ELMO1: variants seen among roughly 807,000 people sequenced by gnomAD.
ELMO1 encodes the protein engulfment and cell motility 1.
ELMO1 carries 26 observed loss-of-function variants against 98.9 expected under a neutral mutation model. The ratio of observed to expected loss-of-function variants is 0.26; its 90% CI spans 0.19 to 0.36. ELMO1 has a LOEUF of 0.36. Among genes scored for constraint, ELMO1 ranks in the 10% least tolerant of loss-of-function variants. ELMO1 has a pLI of 1.00. For missense variants in ELMO1, 627 were observed against 935.2 expected, an observed-to-expected ratio of 0.67 and a Z score of 4.30; for synonymous variants, 346 against 346.0, an observed-to-expected ratio of 1.00 and a Z score of 0.00.
At chr7:36,877,517 C>T (rs530854193) in intron 19 of ELMO1, among the ~76,000 whole-genome samples, 3 of 152,246 alleles carry the variant, frequency 2.0e-5, no homozygotes, top group Admixed American at 2.0e-4. Flanking sequence ...GTAGAGGTAA[C>T]GGATCATCAT....
At chr7:36,954,267 G>A (rs2129109147) in intron 16 of ELMO1, among the ~76,000 whole-genome samples, 1 of 152,266 alleles carries the variant, frequency 6.6e-6, no homozygotes, top group South Asian at 2.1e-4. Flanking sequence ...GGAAAGTAAG[G>A]GAATTAATGG....
At chr7:37,299,558 G>T (rs1399540932) in intron 4 of ELMO1, among the ~76,000 whole-genome samples, 2 of 57,092 alleles carry the variant, frequency 3.5e-5, no homozygotes, top group South Asian at 5.4e-4. Context: ...TCTCAGGTTT[G>T]TCAAAGATCA....
chr7:37,028,947 C>G (rs1174858342), intron 15 of ELMO1, among the ~76,000 whole-genome samples: 1 of 152,014 alleles, frequency 6.6e-6, no homozygotes, highest in East Asian at 1.9e-4. Flanking sequence ...CCACTGTTCT[C>G]AGTGTTTTAC....
chr7:36,864,561 C>T (rs1302280128), intron 20 of ELMO1, among the ~76,000 whole-genome samples: 2 of 152,180 alleles, frequency 1.3e-5, no homozygotes, highest in Non-Finnish European at 2.9e-5. Flanking sequence ...TGGTGAAGGT[C>T]AGCTCTTCAG....
intron 13 of ELMO1, among the ~76,000 whole-genome samples, chr7:37,173,533 C>T (rs1790311590): frequency 6.6e-6 from 1 of 152,222 alleles, no homozygotes; most frequent in Non-Finnish European, 1.5e-5. Flanking sequence ...CAGATAGCTC[C>T]TAGTCCATGC....
intron 16 of ELMO1, among the ~76,000 whole-genome samples, chr7:36,982,603 G>A (rs1791161417): frequency 6.6e-6 from 1 of 152,166 alleles, no homozygotes; most frequent in Non-Finnish European, 1.5e-5. Context: ...ACTAGAAAGT[G>A]CATAATACTA....
chr7:37,397,968 G>T (rs1024247569), intron 1 of ELMO1, among the ~76,000 whole-genome samples: 3 of 152,120 alleles, frequency 2.0e-5, no homozygotes, highest in African/African-American at 7.2e-5. Flanking sequence ...CATGGACACA[G>T]GGAGAAGAAA....
chr7:36,884,314 C>CAAAA (rs59762953), intron 18 of ELMO1, among the ~76,000 whole-genome samples: 2 of 127,706 alleles, frequency 1.6e-5, no homozygotes, highest in African/African-American at 2.8e-5. Context: ...GAGACTGTCT[C>CAAAA]AAAAAAAAAA....
intron 13 of ELMO1, among the ~76,000 whole-genome samples, chr7:37,159,398 A>G (rs1789036597): frequency 6.6e-6 from 1 of 152,332 alleles, no homozygotes; most frequent in South Asian, 2.1e-4. Context: ...CCATGTTGTC[A>G]AAGCATAAAA....
chr7:37,129,665 C>T (rs1786772369), intron 14 of ELMO1, among the ~76,000 whole-genome samples: 1 of 152,206 alleles, frequency 6.6e-6, no homozygotes, highest in African/African-American at 2.4e-5. Context: ...TTGCCACTCC[C>T]ACTACCCTAG....
Position 37,314,939 on chromosome 7 carries a change from T to C in ELMO1, c.120-17A>G, listed in dbSNP as rs1799076735. ...AGAGACCACCTTAAAAATACAAGCGTATACTGATTAGAAAAATGAAAGTGG... is the reference window on the plus strand; with the variant it reads ...AGAGACCACCTTAAAAATACAAGCGCATACTGATTAGAAAAATGAAAGTGG... On this transcript the variant is annotated splice_polypyrimidine_tract_variant and intron_variant, in intron 3 of 21. Transcript: ENST00000310758. The C allele has an allele frequency of 3.7e-6, 6 of 1,603,922 alleles. No homozygotes were observed. Among genetic ancestry groups the C allele is most frequent in the Non-Finnish European group, 5.1e-6 (6 of 1,176,402 alleles).
chr7:37,269,356 C>T (rs911092358), intron 5 of ELMO1: 2 of 151,988 alleles, frequency 1.3e-5, no homozygotes, highest in African/African-American at 4.8e-5. Flanking sequence ...TTTCAAACTT[C>T]CACAGCTGAT....
At chr7:36,945,733 C>T (rs1787422594) in intron 16 of ELMO1, among the ~76,000 whole-genome samples, 1 of 152,194 alleles carries the variant, frequency 6.6e-6, no homozygotes, top group Admixed American at 6.5e-5. Flanking sequence ...ACATAATAGC[C>T]TGACATACTG....
chr7:37,195,680 C>T lies in ELMO1; in HGVS notation c.1086+15706G>A, dbSNP rs527777847. ...GAGCTTTCCTCTCCGAAAAAGCTGG[C>T]GTGGCTCTTCTCCTAACAGACCTGG... On this transcript the variant is annotated intron_variant, in intron 13 of 21. Coordinates refer to ENST00000310758, the MANE Select transcript of ELMO1 (RefSeq NM_014800.11). 2.0e-5 allele frequency among the ~76,000 whole-genome samples: 3 copies of T among 152,288 alleles called. No homozygotes were observed. In the South Asian group the frequency reaches 6.2e-4, roughly 32 times the overall value.
chr7:37,230,127 T>C (rs2130603137), intron 8 of ELMO1, among the ~76,000 whole-genome samples: 1 of 152,328 alleles, frequency 6.6e-6, no homozygotes, highest in Non-Finnish European at 1.5e-5. Flanking sequence ...TCCAAGCAAA[T>C]TTTATTCATT....
intron 14 of ELMO1, among the ~76,000 whole-genome samples, chr7:37,105,657 T>C (rs577773846): frequency 1.3e-5 from 2 of 152,356 alleles, no homozygotes; most frequent in East Asian, 1.9e-4. Flanking sequence ...TGGGAACCAC[T>C]GACTTACAGG....
intron 13 of ELMO1, chr7:37,197,166 T>C (rs1792012460): frequency 6.6e-6 from 1 of 152,242 alleles, no homozygotes; most frequent in South Asian, 2.1e-4. Flanking sequence ...GGAAAGTTTG[T>C]AGGTTTGCAG....
At chr7:37,242,601 A>G (rs1794815750) in intron 7 of ELMO1, among the ~76,000 whole-genome samples, 1 of 152,246 alleles carries the variant, frequency 6.6e-6, no homozygotes, top group Non-Finnish European at 1.5e-5. Context: ...TTTTTGTTCT[A>G]GCAGGAAGTA....
chr7:37,123,587 G>A (rs1384713005), intron 14 of ELMO1, among the ~76,000 whole-genome samples: 1 of 152,128 alleles, frequency 6.6e-6, no homozygotes, highest in African/African-American at 2.4e-5. Flanking sequence ...ACTAAACCAG[G>A]AAGACGTTGA....
Sources: gnomAD v4.1 joint callset for allele counts (sites outside exome capture counted in the v4.1 genomes callset) on GRCh38, gnomAD v4.1.1 for gene constraint, MANE v1.5 for transcripts, NCBI Gene and HGNC (gene_info 2026-07-23, HGNC 2026-07-21) for gene names.